Variants in MALRD1 observed in about 807,000 individuals in gnomAD.
MALRD1 encodes MAM and LDL receptor class A domain containing 1.
A neutral mutation model predicts 242.1 loss-of-function variants in MALRD1; 247 were observed. The ratio of observed to expected loss-of-function variants is 1.02; its 90% CI spans 0.92 to 1.13. The LOEUF is 1.13. MALRD1 is among the 50% of genes most tolerant of loss of function. MALRD1 has a pLI of 0.00. For missense variants in MALRD1, 2,989 were observed against 2,533.1 expected, an observed-to-expected ratio of 1.18 and a Z score of -3.86; for synonymous variants, 995 against 866.6, an observed-to-expected ratio of 1.15 and a Z score of -2.60.
At chr10:19,282,848 A>G (rs1840884634) in intron 20 of MALRD1, among the ~76,000 whole-genome samples, 171 bp from the exon 21 acceptor site, 1 of 152,146 alleles carries the variant, frequency 6.6e-6, no homozygotes, top group South Asian at 2.1e-4. Flanking sequence ...ATAAACCTAG[A>G]TTTCTTTGAA....
intron 26 of MALRD1, among the ~76,000 whole-genome samples, chr10:19,352,875 A>G (rs1373823818): frequency 1.3e-5 from 2 of 152,206 alleles, no homozygotes; most frequent in African/African-American, 2.4e-5. Context: ...TGTTGTAAGT[A>G]GTAGAATTAG....
intron 14 of MALRD1, among the ~76,000 whole-genome samples, chr10:19,178,295 T>A (rs1055038429): frequency 5.9e-5 from 9 of 152,202 alleles, no homozygotes; most frequent in Non-Finnish European, 1.0e-4. Context: ...TTTCTTATTG[T>A]TTTTGCAAAT....
intron 13 of MALRD1, among the ~76,000 whole-genome samples, chr10:19,171,089 G>C (rs1834901553): frequency 6.6e-6 from 1 of 151,622 alleles, no homozygotes; most frequent in Non-Finnish European, 1.5e-5. Context: ...CCTGAGTTTT[G>C]CACTTGTAAA....
intron 19 of MALRD1, among the ~76,000 whole-genome samples, chr10:19,265,276 T>G (rs1839925420): frequency 6.6e-6 from 1 of 152,054 alleles, no homozygotes; most frequent in Non-Finnish European, 1.5e-5. Context: ...CTTAGTTTGT[T>G]CTTTTTCAAG....
chr10:19,533,115 T>C (rs1834500796), intron 32 of MALRD1, among the ~76,000 whole-genome samples: 1 of 152,174 alleles, frequency 6.6e-6, no homozygotes, highest in Non-Finnish European at 1.5e-5. Flanking sequence ...TTCTAAGAAA[T>C]TGTTGCTTCC....
chr10:19,449,024 A>G (rs1286446827), intron 28 of MALRD1, among the ~76,000 whole-genome samples: 1 of 152,144 alleles, frequency 6.6e-6, no homozygotes, highest in Non-Finnish European at 1.5e-5. Flanking sequence ...ATTACACAAT[A>G]TGAGTAGAAG....
chr10:19,402,500 T>C (rs1846907052), intron 28 of MALRD1, among the ~76,000 whole-genome samples: 1 of 148,504 alleles, frequency 6.7e-6, no homozygotes, highest in South Asian at 2.1e-4. Flanking sequence ...TGCTCCTCAC[T>C]TACCTTCAGC....
chr10:19,673,226 A>C (rs1024310825), intron 36 of MALRD1, among the ~76,000 whole-genome samples: 59 of 152,094 alleles, frequency 3.9e-4, no homozygotes, highest in African/African-American at 1.3e-3. Flanking sequence ...ACTAAAAAAC[A>C]ATACAAAAAA....
chr10:19,552,251 A>G (rs1564434912), intron 32 of MALRD1, among the ~76,000 whole-genome samples: 1 of 152,106 alleles, frequency 6.6e-6, no homozygotes, highest in African/African-American at 2.4e-5. Flanking sequence ...GCTATTTATT[A>G]CTGCTTCAAT....
chr10:19,070,148 G>T (rs975869584), intron 2 of MALRD1, among the ~76,000 whole-genome samples: 4 of 151,996 alleles, frequency 2.6e-5, no homozygotes, highest in African/African-American at 9.7e-5. Flanking sequence ...CCTATCCAGT[G>T]ATTTAAAAAG....
intron 2 of MALRD1, among the ~76,000 whole-genome samples, chr10:19,068,540 A>C (rs1835048367): frequency 6.6e-6 from 1 of 152,230 alleles, no homozygotes; most frequent in South Asian, 2.1e-4. Flanking sequence ...TGCAAGCTGC[A>C]TAGGAAAAAG....
intron 19 of MALRD1, among the ~76,000 whole-genome samples, chr10:19,266,090 A>G (rs1839962662): frequency 6.6e-6 from 1 of 150,688 alleles, no homozygotes; most frequent in South Asian, 2.1e-4. Context: ...CAGTTTTAGT[A>G]TATCTGTGTC....
chr10:19,410,860 T>A (rs1227518399), intron 28 of MALRD1, among the ~76,000 whole-genome samples: 1 of 152,192 alleles, frequency 6.6e-6, no homozygotes, highest in Admixed American at 6.5e-5. Context: ...AAACTGAATT[T>A]GTGTACAAGA....
At chr10:19,552,663 C>G (rs913637096) in intron 32 of MALRD1, among the ~76,000 whole-genome samples, 1 of 151,730 alleles carries the variant, frequency 6.6e-6, no homozygotes, top group African/African-American at 2.4e-5. Flanking sequence ...ATGGATTTGT[C>G]TTTTATATAA....
chr10:19,185,824 T>A (rs977684849), intron 14 of MALRD1, among the ~76,000 whole-genome samples: 1 of 151,772 alleles, frequency 6.6e-6, no homozygotes, highest in South Asian at 2.1e-4. Context: ...AGTGTGTGTG[T>A]GTGTGTGTGT....
chr10:19,547,393 T>G (rs1189539761), intron 32 of MALRD1, among the ~76,000 whole-genome samples: 1 of 152,138 alleles, frequency 6.6e-6, no homozygotes, highest in Non-Finnish European at 1.5e-5. Flanking sequence ...ACCCAGTCAC[T>G]AGGGATTAGA....
At chr10:19,718,115 A>AGG (rs1834492834) in intron 38 of MALRD1, among the ~76,000 whole-genome samples, 2 of 151,478 alleles carry the variant, frequency 1.3e-5, no homozygotes, top group African/African-American at 4.9e-5. Flanking sequence ...GAGGAAGAAG[A>AGG]AGAAGAAGAA....
At chr10:19,438,637 ATTTC>A (rs1028478658) in intron 28 of MALRD1, among the ~76,000 whole-genome samples, 7 of 152,168 alleles carry the variant, frequency 4.6e-5, no homozygotes, top group African/African-American at 1.4e-4. Flanking sequence ...AAGAATTCCT[ATTTC>A]TTTGCCTCTT....
chr10:19,539,905 C>T (rs1461854298), intron 32 of MALRD1, among the ~76,000 whole-genome samples: 3,450 of 46,734 alleles, frequency 0.074, 73 homozygotes, highest in Middle Eastern at 0.14. Context: ...TGTGCGCGCG[C>T]GCGTGCGCGC....
Sources: gnomAD v4.1 joint callset for allele counts (sites outside exome capture counted in the v4.1 genomes callset) on GRCh38, gnomAD v4.1.1 for gene constraint, MANE v1.5 for transcripts, NCBI Gene and HGNC (gene_info 2026-07-23, HGNC 2026-07-21) for gene names.